Variants in TIAM1 observed in about 807,000 individuals in gnomAD.
The protein encoded by TIAM1 is TIAM Rac1 associated GEF 1.
TIAM1 carries 65 observed loss-of-function variants against 163.5 expected under a neutral mutation model. The ratio of observed to expected loss-of-function variants is 0.40; its 90% CI spans 0.33 to 0.49. The LOEUF is 0.49. Among genes scored for constraint, TIAM1 ranks in the 20% least tolerant of loss-of-function variants. TIAM1 has a pLI of 0.77. For missense variants in TIAM1, 1,789 were observed against 2,044.7 expected (o/e 0.87, Z 2.41); for synonymous variants, 833 against 810.1 (o/e 1.03, Z -0.48).
At chr21:31,423,870 G>GC (rs1750250769) in intron 2 of TIAM1, among the ~76,000 whole-genome samples, 1 of 122,350 alleles carries the variant, frequency 8.2e-6, no homozygotes, top group African/African-American at 3.0e-5. Flanking sequence ...GGGCGGGGGG[G>GC]GGGTCAAGGG....
chr21:31,479,454 T>TGG (rs1361484329), intron 1 of TIAM1, among the ~76,000 whole-genome samples: 29 of 67,832 alleles, frequency 4.3e-4, no homozygotes, highest in Admixed American at 3.1e-3. Flanking sequence ...GATGGATGGA[T>TGG]AGATGGATGG....
chr21:31,513,363 C>T (rs1449345681), intron 1 of TIAM1, among the ~76,000 whole-genome samples: 1 of 152,200 alleles, frequency 6.6e-6, no homozygotes, highest in Non-Finnish European at 1.5e-5. Flanking sequence ...CTAGTCTGTG[C>T]TGCTCTAATT....
In TIAM1 at chr21:31,120,474, G is replaced by T; in HGVS notation, c.4670C>A (p.Ala1557Asp). Reference protein sequence around the residue: ...ASRMAQLKKQAALSGINGGLE... With the variant: ...ASRMAQLKKQDALSGINGGLE... ...GCCTCCATTGATCCCCGACAGGGCAGCTTGCTTCTTGAGCTGTGCCATGCG... is the reference window on the plus strand; with the variant it reads ...GCCTCCATTGATCCCCGACAGGGCATCTTGCTTCTTGAGCTGTGCCATGCG... Residue 1557 changes from alanine (A) to aspartate (D), a missense_variant, in exon 28 of 28, where the codon GCT becomes GAT. Coordinates refer to ENST00000541036, the MANE Select transcript of TIAM1 (RefSeq NM_001353694.2). The surrounding 1 kb of genome is among the most constrained non-coding windows in gnomAD (Gnocchi z 4.2). 6.2e-7 allele frequency: 1 copy of T among 1,614,238 alleles called. No individual in the cohort carries two copies. The highest frequency in any genetic ancestry group is 8.5e-7 in the Non-Finnish European group (1 of 1,180,048).
In TIAM1 at chr21:31,432,947, G is replaced by A. The variant is rs536431086; in HGVS notation, c.-369+31036C>T. Reference sequence around the variant, plus strand: ...CTGGATGAATGATAAAAGGGGCATTGGAGGGGACATTCTGTGCATTACAGA... The same window carrying A: ...CTGGATGAATGATAAAAGGGGCATTAGAGGGGACATTCTGTGCATTACAGA... On this transcript the variant is annotated intron_variant, in intron 2 of 28. Coordinates refer to the TIAM1 transcript ENST00000286827. 6.6e-5 allele frequency among the ~76,000 whole-genome samples: 10 copies of A among 152,318 alleles called. No individual in the cohort carries two copies. The South Asian group carries it at 2.1e-3, about 32-fold the overall frequency.
At chr21:31,510,056 CA>C (rs1445389662) in intron 1 of TIAM1, among the ~76,000 whole-genome samples, 12 of 152,190 alleles carry the variant, frequency 7.9e-5, no homozygotes, top group Non-Finnish European at 8.8e-5. Flanking sequence ...GTGCATCCCC[CA>C]AAAAGATATG....
chr21:31,351,497 C>G (rs999803977), intron 2 of TIAM1, among the ~76,000 whole-genome samples: 2 of 152,020 alleles, frequency 1.3e-5, no homozygotes, highest in African/African-American at 4.8e-5. Context: ...AATAAGCAAA[C>G]CATAAAAAGT....
At chr21:31,438,224 C>T (rs1053913579) in intron 2 of TIAM1, among the ~76,000 whole-genome samples, 9 of 110,796 alleles carry the variant, frequency 8.1e-5, no homozygotes, top group Non-Finnish European at 1.3e-4. Flanking sequence ...CAGAGTCTCA[C>T]TGTGTTGCCC....
intron 5 of TIAM1, among the ~76,000 whole-genome samples, chr21:31,246,200 G>A (rs889980770): frequency 2.0e-5 from 3 of 152,022 alleles, no homozygotes; most frequent in Admixed American, 1.3e-4. Context: ...TACATTTTTG[G>A]TCTAACATCC....
intron 2 of TIAM1, among the ~76,000 whole-genome samples, chr21:31,427,420 G>A (rs576305418): frequency 6.6e-6 from 1 of 152,162 alleles, no homozygotes; most frequent in South Asian, 2.1e-4. Flanking sequence ...CTGGAAGGCG[G>A]GGGTTGCAGT....
intron 1 of TIAM1, among the ~76,000 whole-genome samples, chr21:31,468,457 T>G (rs2045611973): frequency 1.3e-5 from 2 of 149,432 alleles, no homozygotes; most frequent in South Asian, 4.2e-4. Flanking sequence ...CACTCCAGCC[T>G]GGACAACAAA....
chr21:31,313,491 T>C (rs1459321695), intron 2 of TIAM1, among the ~76,000 whole-genome samples: 9 of 152,268 alleles, frequency 5.9e-5, no homozygotes, highest in East Asian at 3.9e-4. Flanking sequence ...GTTCACAATA[T>C]AGAGAAAAGA....
intron 14 of TIAM1, among the ~76,000 whole-genome samples, chr21:31,184,620 A>G (rs2085193831): frequency 6.6e-6 from 1 of 152,064 alleles, no homozygotes; most frequent in Non-Finnish European, 1.5e-5. Context: ...CTGAAACCAG[A>G]GCAGTAGATT....
intron 12 of TIAM1, among the ~76,000 whole-genome samples, chr21:31,197,539 C>CA (rs1454907121): frequency 8.1e-6 from 1 of 123,260 alleles, no homozygotes; most frequent in East Asian, 2.7e-4. Context: ...CCGCGCCCGG[C>CA]TTTTTTTTTT....
At chr21:31,177,603 TC>T (rs544896721) in intron 15 of TIAM1, among the ~76,000 whole-genome samples, 10 of 151,882 alleles carry the variant, frequency 6.6e-5, no homozygotes, top group Admixed American at 2.0e-4. Context: ...TGAGACTCTG[TC>T]CCCCCCACCA....
intron 2 of TIAM1, among the ~76,000 whole-genome samples, chr21:31,416,486 CCCT>C (rs2043376934): frequency 6.6e-6 from 1 of 152,090 alleles, no homozygotes; most frequent in Non-Finnish European, 1.5e-5. Context: ...CAACCTTTCC[CCCT>C]GAGTCCCCAG....
chr21:31,300,855 T>C (rs2074469746), intron 2 of TIAM1, among the ~76,000 whole-genome samples: 1 of 152,188 alleles, frequency 6.6e-6, no homozygotes, highest in African/African-American at 2.4e-5. Flanking sequence ...TACGGTAAAA[T>C]GCTAATTCTA....
chr21:31,410,166 G>C (rs1569306401), intron 2 of TIAM1, among the ~76,000 whole-genome samples: 1 of 151,524 alleles, frequency 6.6e-6, no homozygotes, highest in Non-Finnish European at 1.5e-5. Flanking sequence ...ATATGTGTGT[G>C]AAAAAGGGTG....
intron 2 of TIAM1, among the ~76,000 whole-genome samples, chr21:31,353,288 G>C (rs1286028616): frequency 6.6e-6 from 1 of 152,138 alleles, no homozygotes; most frequent in Non-Finnish European, 1.5e-5. Context: ...CCACATTCAG[G>C]TGTACCCTCA....
At chr21:31,449,113 C>T (rs544647992) in intron 2 of TIAM1, among the ~76,000 whole-genome samples, 1 of 152,140 alleles carries the variant, frequency 6.6e-6, no homozygotes, top group East Asian at 1.9e-4. Flanking sequence ...TACAGGCACA[C>T]ACCACCACAT....
Sources: allele counts gnomAD v4.1 joint callset (sites outside exome capture counted in the v4.1 genomes callset), GRCh38; gene constraint gnomAD v4.1.1; non-coding constraint Gnocchi (gnomAD v3.1); transcripts MANE v1.5; gene names NCBI Gene and HGNC (gene_info 2026-07-23, HGNC 2026-07-21).